Variants in NALF1 observed in about 807,000 individuals in gnomAD.
The protein encoded by NALF1 is NALCN channel auxiliary factor 1.
Under a neutral mutation model 48.4 loss-of-function variants are expected in NALF1, and 3 were observed. That is an observed-to-expected ratio of 0.06 (90% CI 0.03 to 0.16). NALF1 has a LOEUF of 0.16. Among genes scored for constraint, NALF1 ranks in the 10% least tolerant of loss-of-function variants. NALF1 has a pLI of 1.00. For missense variants in NALF1, 526 were observed against 571.5 expected, an observed-to-expected ratio of 0.92 and a Z score of 0.81; for synonymous variants, 262 against 245.7, an observed-to-expected ratio of 1.07 and a Z score of -0.62.
chr13:107,552,844 G>A (rs1424493627), intron 1 of NALF1, among the ~76,000 whole-genome samples: 3 of 152,114 alleles, frequency 2.0e-5, no homozygotes, highest in East Asian at 1.9e-4. Context: ...AGTAAAAGAT[G>A]TGTGCTTTAC....
At chr13:107,225,514 T>G (rs973510843) in intron 1 of NALF1, among the ~76,000 whole-genome samples, 2 of 151,876 alleles carry the variant, frequency 1.3e-5, no homozygotes, top group African/African-American at 4.8e-5. Context: ...TGGCCTCAGG[T>G]AATCCTCCTG....
intron 1 of NALF1, among the ~76,000 whole-genome samples, chr13:107,350,213 C>T (rs748991671): frequency 3.9e-5 from 6 of 152,076 alleles, no homozygotes; most frequent in South Asian, 2.1e-4. Context: ...CTGTATTGTA[C>T]GTAAAACAGT....
chr13:107,828,122 T>C (rs1879575019), intron 1 of NALF1, among the ~76,000 whole-genome samples: 1 of 152,162 alleles, frequency 6.6e-6, no homozygotes, highest in Admixed American at 6.5e-5. Context: ...TATTTCTCAT[T>C]TGGGCAGTTT....
At chr13:107,223,060 TA>T (rs1357412926) in intron 1 of NALF1, among the ~76,000 whole-genome samples, 1 of 152,234 alleles carries the variant, frequency 6.6e-6, no homozygotes, top group East Asian at 1.9e-4. Context: ...ATTGGGCTAA[TA>T]AGTACAATTT....
At chr13:107,534,001 A>G (rs1876723507) in intron 1 of NALF1, among the ~76,000 whole-genome samples, 1 of 152,122 alleles carries the variant, frequency 6.6e-6, no homozygotes, top group Admixed American at 6.6e-5. Flanking sequence ...GAGGAAAATT[A>G]CCTGTAAAAG....
intron 1 of NALF1, among the ~76,000 whole-genome samples, chr13:107,378,318 T>C (rs1883374430): frequency 6.6e-6 from 1 of 152,090 alleles, no homozygotes; most frequent in African/African-American, 2.4e-5. Flanking sequence ...CTTTGTATAC[T>C]TGAGTTATAT....
intron 1 of NALF1, among the ~76,000 whole-genome samples, chr13:107,368,263 T>C (rs1883186247): frequency 6.6e-6 from 1 of 152,216 alleles, no homozygotes; most frequent in African/African-American, 2.4e-5. Context: ...GCCCTTTGTA[T>C]TAGTTTTCTT....
intron 1 of NALF1, among the ~76,000 whole-genome samples, chr13:107,749,095 T>C (rs145109307): frequency 2.5e-3 from 380 of 151,658 alleles, no homozygotes; most frequent in African/African-American, 8.7e-3. Flanking sequence ...CTAAAATCAA[T>C]TTAGGAAATG....
intron 1 of NALF1, among the ~76,000 whole-genome samples, chr13:107,506,633 A>T (rs1278646919): frequency 6.6e-6 from 1 of 152,104 alleles, no homozygotes; most frequent in Non-Finnish European, 1.5e-5. Context: ...TAACATGACT[A>T]ATTATGGGTC....
intron 1 of NALF1, among the ~76,000 whole-genome samples, chr13:107,620,277 C>A (rs560067386): frequency 6.7e-4 from 102 of 152,196 alleles, no homozygotes; most frequent in Middle Eastern, 3.4e-3. Context: ...AGGGGAAATA[C>A]CCCTGGTACT....
intron 1 of NALF1, among the ~76,000 whole-genome samples, chr13:107,241,369 T>C (rs760502603): frequency 1.4e-4 from 22 of 152,076 alleles, no homozygotes; most frequent in Non-Finnish European, 2.6e-4. Flanking sequence ...CTCTAGCAGA[T>C]TGGAGTGGGG....
chr13:107,316,924 A>C (rs1882161530), intron 1 of NALF1, among the ~76,000 whole-genome samples: 2 of 152,154 alleles, frequency 1.3e-5, no homozygotes, highest in South Asian at 4.1e-4. Flanking sequence ...CAGTTAAGTC[A>C]TCATTGCAAT....
At chr13:107,510,455 A>C (rs1875850261) in intron 1 of NALF1, among the ~76,000 whole-genome samples, 2 of 152,256 alleles carry the variant, frequency 1.3e-5, no homozygotes, top group East Asian at 1.9e-4. Context: ...AGAGGTCGAA[A>C]GAGTTTTGTA....
At chr13:107,850,967 A>C (rs1226121838) in intron 1 of NALF1, among the ~76,000 whole-genome samples, 1 of 152,174 alleles carries the variant, frequency 6.6e-6, no homozygotes, top group East Asian at 1.9e-4. Flanking sequence ...TTTTTGAACT[A>C]TATGACCTGC....
intron 1 of NALF1, among the ~76,000 whole-genome samples, chr13:107,686,477 C>T (rs1156278133): frequency 1.3e-5 from 2 of 152,028 alleles, no homozygotes; most frequent in African/African-American, 2.4e-5. Flanking sequence ...TCACTGCAAC[C>T]TCCACCTCCA....
At chr13:107,371,943 T>C (rs1039944909) in intron 1 of NALF1, among the ~76,000 whole-genome samples, 2 of 152,220 alleles carry the variant, frequency 1.3e-5, no homozygotes, top group Non-Finnish European at 2.9e-5. Context: ...CAGAATCGTA[T>C]ATACATTGAC....
Position 107,865,833 on chromosome 13 carries a change from C to T in NALF1, c.764G>A (p.Gly255Asp), listed in dbSNP as rs1416123485. 1 of 1,614,008 alleles carries T rather than the reference C, an allele frequency of 6.2e-7. No homozygotes were observed. Among genetic ancestry groups the T allele is most frequent in the African/African-American group, 1.3e-5 (1 of 74,914 alleles). ...CTGCCTGCAAGTGGTCATCTCGCCG[C>T]CTTCCTTGAGCACCACATCCAGACT... ...NCSLDVVLKE[G>D]GEMTTCRQCV... Residue 255 changes from glycine to aspartate, a missense_variant, in exon 1 of 3, where the codon GGC (glycine) becomes GAC (aspartate). Coordinates refer to ENST00000375915, the MANE Select transcript of NALF1 (RefSeq NM_001080396.3).
At chr13:107,374,387 T>A (rs1372120164) in intron 1 of NALF1, among the ~76,000 whole-genome samples, 3 of 152,202 alleles carry the variant, frequency 2.0e-5, no homozygotes, top group African/African-American at 7.2e-5. Context: ...TGGGTTAACT[T>A]CCCATCCAAT....
chr13:107,500,280 T>G (rs946779000), intron 1 of NALF1, among the ~76,000 whole-genome samples: 1 of 151,356 alleles, frequency 6.6e-6, no homozygotes, highest in South Asian at 2.1e-4. Flanking sequence ...AGAATAGAAA[T>G]TTTTTTTTAA....
Sources: allele counts gnomAD v4.1 joint callset (sites outside exome capture counted in the v4.1 genomes callset), GRCh38; gene constraint gnomAD v4.1.1; transcripts MANE v1.5; gene names NCBI Gene and HGNC (gene_info 2026-07-23, HGNC 2026-07-21).